The following YARS1 variants were observed in gnomAD, a reference collection of about 807,000 sequenced individuals.
YARS1 encodes tyrosyl-tRNA synthetase 1, also known as tyrosine--tRNA ligase, cytoplasmic.
A neutral mutation model predicts 62.2 loss-of-function variants in YARS1; 36 were observed. That is an observed-to-expected ratio of 0.58 (90% confidence interval 0.44 to 0.76). The LOEUF (loss-of-function observed/expected upper bound fraction) is 0.76, where lower values mean the gene tolerates loss of function less well. Among genes scored for constraint, YARS1 ranks in the 30% least tolerant of loss-of-function variants. The pLI is 0.00. For missense variants in YARS1, 524 were observed against 639.8 expected (o/e 0.82, Z 1.95); for synonymous variants, 234 against 244.9 (o/e 0.96, Z 0.42).
At chr1:32,809,579 T>C (rs1638536248) in intron 3 of YARS1, among the ~76,000 whole-genome samples, 1 of 152,142 alleles carries the variant, frequency 6.6e-6, no homozygotes, top group Non-Finnish European at 1.5e-5. Context: ...CAGTGAGGAA[T>C]GGTAAAGAAA....
intron 4 of YARS1, among the ~76,000 whole-genome samples, chr1:32,803,964 A>G (rs1336166495): frequency 6.6e-6 from 1 of 152,176 alleles, no homozygotes; most frequent in Non-Finnish European, 1.5e-5. Context: ...GCTGCCTTCA[A>G]GCATCTGTTT....
chr1:32,780,527 T>A (rs1653018347), intron 10 of YARS1: 2 of 550,268 alleles, frequency 3.6e-6, no homozygotes, highest in Non-Finnish European at 6.5e-6. Flanking sequence ...GGTGGAAGGA[T>A]CTCTAAGCCA....
intron 1 of YARS1, among the ~76,000 whole-genome samples, chr1:32,815,680 T>C (rs1056937500): frequency 6.6e-6 from 1 of 152,194 alleles, no homozygotes; most frequent in African/African-American, 2.4e-5. Flanking sequence ...AACAAACATA[T>C]TGTATGATTC....
At chr1:32,808,242 CAG>C (rs1056486801) in intron 3 of YARS1, among the ~76,000 whole-genome samples, 1 of 142,736 alleles carries the variant, frequency 7.0e-6, no homozygotes, top group East Asian at 2.1e-4. Context: ...TTTTTTGAAA[CAG>C]AGTCTCGCTC....
rs572241238 is a variant in YARS1, at chr1:32,809,276, T to C, written c.380+1315A>G. ...TAAATTTTTGTATTTTTAGTAGAGATGGGGTTTCGCCATGTTGGCTAGACT... is the reference window on the plus strand; with the variant it reads ...TAAATTTTTGTATTTTTAGTAGAGACGGGGTTTCGCCATGTTGGCTAGACT... On this transcript the variant is annotated intron_variant, in intron 3 of 12. Coordinates refer to ENST00000373477, the MANE Select transcript of YARS1 (RefSeq NM_003680.4). Among the ~76,000 whole-genome samples the C allele has an allele frequency of 2.0e-5, 3 of 152,228 alleles. No individual in the cohort carries two copies. In the East Asian group the frequency reaches 5.8e-4, roughly 29 times the overall value.
intron 8 of YARS1, among the ~76,000 whole-genome samples, chr1:32,784,008 CTT>C (rs201644360): frequency 1.1e-4 from 16 of 141,988 alleles, no homozygotes; most frequent in South Asian, 2.3e-4. Context: ...CCACAAAAGA[CTT>C]TTTTTTTTTT....
At chr1:32,802,199 G>A (rs924325345) in intron 4 of YARS1, among the ~76,000 whole-genome samples, 11 of 151,664 alleles carry the variant, frequency 7.3e-5, no homozygotes, top group East Asian at 1.9e-4. Flanking sequence ...CGTCCGCCTC[G>A]GCCTCCCAAA....
intron 8 of YARS1, among the ~76,000 whole-genome samples, chr1:32,785,895 T>TTG (rs1653210310): frequency 6.6e-6 from 1 of 151,914 alleles, no homozygotes; most frequent in South Asian, 2.1e-4. Context: ...ATTTTCTTTT[T>TTG]TTTTTTTTTT....
chr1:32,794,578 CG>C (rs922344261), intron 5 of YARS1, among the ~76,000 whole-genome samples: 7 of 151,540 alleles, frequency 4.6e-5, no homozygotes, highest in African/African-American at 1.7e-4. Flanking sequence ...TTACTAGAGA[CG>C]GGGTTTCATC....
rs767084238 is a variant in YARS1 at position 32,787,091 on chromosome 1, C to T, written c.685-16G>A. 1.2e-5 allele frequency: 20 copies of T among 1,613,834 alleles called. No homozygotes were observed. Among genetic ancestry groups the T allele is most frequent in the Non-Finnish European group, 1.2e-5 (14 of 1,179,974 alleles). Reference sequence around the variant, plus strand: ...TCTTGGACTCCTAGAAGTCATAGAACGGAAGAGGACCTCTTGTGGTTGAAA... The same window carrying T: ...TCTTGGACTCCTAGAAGTCATAGAATGGAAGAGGACCTCTTGTGGTTGAAA... On this transcript the variant is annotated splice_polypyrimidine_tract_variant and intron_variant, in intron 6 of 12. Transcript: ENST00000373477.
intron 11 of YARS1, chr1:32,779,752 C>A: frequency 1.6e-6 from 1 of 632,906 alleles, no homozygotes; most frequent in Non-Finnish European, 2.7e-6. Context: ...ATCTGTGTTT[C>A]TAGGGGAGGA....
At chr1:32,796,632 G>A (rs1224231671) in intron 5 of YARS1, among the ~76,000 whole-genome samples, 1 of 149,492 alleles carries the variant, frequency 6.7e-6, no homozygotes, top group Non-Finnish European at 1.5e-5. Context: ...CAACGTGCTA[G>A]GATTACAGGC....
At chr1:32,779,609 A>C in intron 11 of YARS1, 86 bp from the exon 12 acceptor site, 1 of 1,578,900 alleles carries the variant, frequency 6.3e-7, no homozygotes, top group Non-Finnish European at 8.7e-7. Context: ...GCCTTTACAC[A>C]GGGGCCCTGA....
At chr1:32,788,004 G>A (rs977193796) in intron 6 of YARS1, among the ~76,000 whole-genome samples, 1 of 152,162 alleles carries the variant, frequency 6.6e-6, no homozygotes, top group Non-Finnish European at 1.5e-5. Flanking sequence ...CAGCTACTCA[G>A]GAGGCTGAGG....
chr1:32,790,635 C>CTT (rs554417955), intron 6 of YARS1: 7 of 139,328 alleles, frequency 5.0e-5, no homozygotes, highest in Non-Finnish European at 9.3e-5. Context: ...CTAATCAACA[C>CTT]TTTTTTTTTT....
chr1:32,794,929 G>A (rs1238097960), intron 5 of YARS1, among the ~76,000 whole-genome samples: 4 of 149,510 alleles, frequency 2.7e-5, no homozygotes, highest in African/African-American at 4.9e-5. Context: ...GCTTGAACCC[G>A]GGAGGCGGAG....
intron 1 of YARS1, among the ~76,000 whole-genome samples, chr1:32,814,182 A>G (rs935238061): frequency 1.3e-5 from 2 of 152,128 alleles, no homozygotes; most frequent in African/African-American, 4.8e-5. Context: ...CTCCCCAACC[A>G]TCTTTTTCAC....
intron 5 of YARS1, among the ~76,000 whole-genome samples, chr1:32,796,625 C>T (rs535726859): frequency 3.5e-4 from 53 of 150,492 alleles, no homozygotes; most frequent in Non-Finnish European, 6.8e-4. Context: ...AGCCTCCCAA[C>T]GTGCTAGGAT....
At chr1:32,807,807 C>T (rs919760896) in intron 3 of YARS1, among the ~76,000 whole-genome samples, 1 of 152,146 alleles carries the variant, frequency 6.6e-6, no homozygotes, top group Admixed American at 6.6e-5. Context: ...TTCTGGAAAA[C>T]GTTCTGCCAT....
Sources: allele counts gnomAD v4.1 joint callset (sites outside exome capture counted in the v4.1 genomes callset), GRCh38; gene constraint gnomAD v4.1.1; transcripts MANE v1.5; gene names NCBI Gene and HGNC (gene_info 2026-07-23, HGNC 2026-07-21).